Variants in SAP18 observed in about 807,000 individuals in gnomAD.
SAP18 encodes Sin3A associated protein 18.
A neutral mutation model predicts 18.6 loss-of-function variants in SAP18; 4 were observed. That is an observed-to-expected ratio of 0.21 (90% CI 0.11 to 0.49). The LOEUF (loss-of-function observed/expected upper bound fraction) is 0.49, where lower values mean the gene tolerates loss of function less well. SAP18 is among the 20% of genes least tolerant of loss of function. The pLI is 0.98. For synonymous variants in SAP18, 112 were observed against 82.8 expected (o/e 1.35, Z -1.92); for missense variants, 170 against 226.4 (o/e 0.75, Z 1.60).
upstream of SAP18, chr13:21,140,456 A>G (rs373660324): frequency 2.0e-3 from 2,715 of 1,380,252 alleles, 11 homozygotes; most frequent in African/African-American, 0.015. Context: ...CGGCTCGCTC[A>G]CCACGCACGG....
At chr13:21,141,030 C>T (rs759501859) in intron 2 of SAP18, 35 bp downstream of exon 2, 37 of 1,367,760 alleles carry the variant, frequency 2.7e-5, no homozygotes, top group Non-Finnish European at 3.7e-5. Flanking sequence ...GGACCCGGGC[C>T]GGGAACCTGG....
exon 1 of SAP18, chr13:21,140,596 G>T: frequency 6.2e-7 from 1 of 1,610,670 alleles, no homozygotes; most frequent in Non-Finnish European, 8.5e-7. Flanking sequence ...CGTCTCGCAG[G>T]CCGTAGGAGG....
Position 21,140,883 on chromosome 13 carries a change from C to G in SAP18, c.130-3C>G, listed in dbSNP as rs113930453. ...CTGCCCTTCCGTTTTCTCTCTCCCT[C>G]AGACATGCCCACTGTTGCTACGGGT... On this transcript the variant is annotated splice_region_variant and splice_polypyrimidine_tract_variant and intron_variant, in intron 1 of 3. Coordinates refer to ENST00000621421, the Ensembl canonical transcript of SAP18. 9.3e-6 allele frequency: 15 copies of G among 1,611,378 alleles called. 1 individual carries two copies. The South Asian group carries it at 1.4e-4, about 15-fold the overall frequency.
intron 2 of SAP18, chr13:21,141,209 T>C: frequency 1.7e-6 from 1 of 578,884 alleles, no homozygotes. Context: ...GTTGCAACTT[T>C]TGGGCGGTTA....
At chr13:21,140,526 C>A in exon 1 of SAP18, 1 of 1,559,532 alleles carries the variant, frequency 6.4e-7, no homozygotes, top group Non-Finnish European at 8.7e-7. Context: ...AAGTGTCGAG[C>A]TTCTCCTCGC....
exon 4 of SAP18, chr13:21,147,208 A>G: frequency 1.2e-6 from 2 of 1,613,388 alleles, no homozygotes; most frequent in East Asian, 2.2e-5. Flanking sequence ...TGGCAGCACC[A>G]TGTCTGGCAG....
intron 2 of SAP18, among the ~76,000 whole-genome samples, chr13:21,146,157 G>A (rs1406103183): frequency 6.6e-6 from 1 of 152,132 alleles, no homozygotes; most frequent in African/African-American, 2.4e-5. Flanking sequence ...GACCAGCATG[G>A]CCAACATGGT....
chr13:21,145,107 T>C (rs1354834272), intron 2 of SAP18, among the ~76,000 whole-genome samples: 3 of 144,838 alleles, frequency 2.1e-5, no homozygotes, highest in Non-Finnish European at 3.0e-5. Context: ...TGCTCTGTCA[T>C]CCAGGCTGGA....
At chr13:21,142,956 AT>A (rs1415656576) in intron 2 of SAP18, among the ~76,000 whole-genome samples, 1 of 152,136 alleles carries the variant, frequency 6.6e-6, no homozygotes, top group Non-Finnish European at 1.5e-5. Context: ...CCATATATGA[AT>A]TTGCCTATTC....
At chr13:21,146,844 A>C in exon 3 of SAP18, 1 of 1,611,144 alleles carries the variant, frequency 6.2e-7, no homozygotes, top group Non-Finnish European at 8.5e-7. Flanking sequence ...GCTTAGTAAA[A>C]GAAGTCTACC....
At chr13:21,147,564 C>G in exon 4 of SAP18, 1 of 505,634 alleles carries the variant, frequency 2.0e-6, no homozygotes, top group Non-Finnish European at 3.5e-6. Flanking sequence ...TCTTAGCATT[C>G]TGTGTAAAAC....
chr13:21,146,557 C>A, intron 2 of SAP18: 2 of 291,856 alleles, frequency 6.9e-6, no homozygotes, highest in Non-Finnish European at 1.3e-5. Flanking sequence ...CATATAGAAT[C>A]TCTGAAGTCC....
At chr13:21,140,823 A>T (rs751434418) in intron 1 of SAP18, 63 bp from the exon 2 acceptor site, 1 of 1,572,740 alleles carries the variant, frequency 6.4e-7, no homozygotes, top group African/African-American at 1.3e-5. Flanking sequence ...GGGAAGAGAG[A>T]TGAGCTCCGG....
At chr13:21,140,660 G>T (rs757198379) in exon 1 of SAP18, 2 of 1,612,544 alleles carry the variant, frequency 1.2e-6, no homozygotes, top group Admixed American at 3.3e-5. Context: ...AGGAGCCAGA[G>T]AAACCGATCG....
exon 3 of SAP18, chr13:21,146,826 A>G: frequency 1.2e-6 from 2 of 1,602,948 alleles, no homozygotes; most frequent in South Asian, 2.2e-5. Context: ...CCTTGAAAGA[A>G]CTGACAAGCT....
exon 1 of SAP18, chr13:21,140,670 G>A: frequency 6.2e-7 from 1 of 1,612,014 alleles, no homozygotes; most frequent in Non-Finnish European, 8.5e-7. Context: ...GAAACCGATC[G>A]ACCGCGAGAA....
At chr13:21,140,399 A>T (rs1294286237), upstream of SAP18, 4 of 742,546 alleles carry the variant, frequency 5.4e-6, no homozygotes, top group Non-Finnish European at 8.5e-6. Flanking sequence ...CTCCCCGCGG[A>T]CGTCAGCACC....
chr13:21,146,932 G>A lies in SAP18; in HGVS notation c.362+5G>A. ...TGTTAAAAGACCTGGCTATCGGTAG[G>A]TAACTTCTCATTTTTAAGTCCTGTA... is the stretch of plus-strand genomic sequence containing the variant. On this transcript the variant is annotated splice_donor_5th_base_variant and intron_variant, in intron 3 of 3. Transcript: ENST00000621421. 6.2e-7 allele frequency: 1 copy of A among 1,601,886 alleles called. No homozygotes were observed. The highest frequency in any genetic ancestry group is 8.5e-7 in the Non-Finnish European group (1 of 1,176,414).
chr13:21,148,391 A>G lies in SAP18; in HGVS notation c.*1049A>G, dbSNP rs770494556. 5.9e-5 allele frequency: 9 copies of G among 152,172 alleles called. No homozygotes were observed. The South Asian group carries it at 1.5e-3, about 25-fold the overall frequency. 9.4% of individuals were successfully genotyped at this position (152,172 alleles called of 1,614,324 possible). The stretch of plus-strand genomic sequence containing the variant: ...AACTGGATCTCTTTTCTTCCATGGC[A>G]CTACTCTCATTTTGAAGTTTATGAA... On this transcript the variant is annotated 3_prime_UTR_variant, in exon 4 of 4. Transcript: ENST00000621421.
Sources: gnomAD v4.1 joint callset for allele counts (sites outside exome capture counted in the v4.1 genomes callset) on GRCh38, gnomAD v4.1.1 for gene constraint, MANE v1.5 for transcripts, NCBI Gene and HGNC (gene_info 2026-07-23, HGNC 2026-07-21) for gene names.